The following ADAMTSL3 variants were observed in gnomAD, a reference collection of about 807,000 sequenced individuals.
ADAMTSL3 encodes ADAMTS-like protein 3.
Under a neutral mutation model 201.7 loss-of-function variants are expected in ADAMTSL3, and 128 were observed. The ratio of observed to expected loss-of-function variants is 0.63; its 90% CI spans 0.55 to 0.73. ADAMTSL3 has a LOEUF of 0.73. ADAMTSL3 is among the 30% of genes least tolerant of loss of function. ADAMTSL3 has a pLI of 0.00. For synonymous variants in ADAMTSL3, 738 were observed against 748.4 expected (o/e 0.99, Z 0.23); for missense variants, 1,990 against 2,119.6 (o/e 0.94, Z 1.20).
Position 83,982,445 on chromosome 15 carries a change from C to A in ADAMTSL3, c.2817C>A (p.Phe939Leu), listed in dbSNP as rs1268647122. The change falls in exon 21 of 30, where the codon TTC (phenylalanine) becomes TTA (leucine). Residue 939 changes from phenylalanine (F) to leucine (L), a missense_variant. Transcript: ENST00000286744. The stretch of plus-strand genomic sequence containing the variant: ...TTATTAAGTGCCCCGTGCGACGATT[C>A]CAGAAATCTCTGATCCAGTGGGAGA... ...SVIIKCPVRR[F>L]QKSLIQWEKD... The A allele has an allele frequency of 6.2e-7, 1 of 1,614,138 alleles. No homozygotes were observed. Among genetic ancestry groups the A allele is most frequent in the Non-Finnish European group, 8.5e-7 (1 of 1,180,022 alleles).
rs139637825 is a variant in ADAMTSL3 at position 83,664,563 on chromosome 15, C to A, written c.69+8733C>A. Among the ~76,000 whole-genome samples, 5 of 152,350 alleles carry A rather than the reference C, an allele frequency of 3.3e-5. No individual in the cohort carries two copies. The East Asian group carries it at 9.6e-4, about 29-fold the overall frequency. On this transcript the variant is annotated intron_variant, in intron 2 of 29. Coordinates refer to ENST00000286744, the MANE Select transcript of ADAMTSL3 (RefSeq NM_207517.3). ...TGTACCTGCCCTGTACCCATTCAGC[C>A]ACTAACTCCCATTTTTCCCATCTCA...
At chr15:83,741,669 A>G (rs2062457578) in intron 3 of ADAMTSL3, among the ~76,000 whole-genome samples, 1 of 152,196 alleles carries the variant, frequency 6.6e-6, no homozygotes, top group Admixed American at 6.5e-5. Flanking sequence ...AACCATTGGA[A>G]CTATAAGGTG....
intron 5 of ADAMTSL3, among the ~76,000 whole-genome samples, chr15:83,817,299 A>G (rs1374240904): frequency 1.3e-5 from 2 of 152,256 alleles, no homozygotes; most frequent in African/African-American, 4.8e-5. Flanking sequence ...TAATTTATCA[A>G]TATCTATTTG....
intron 15 of ADAMTSL3, among the ~76,000 whole-genome samples, chr15:83,911,058 A>G (rs2141954507): frequency 6.6e-6 from 1 of 152,276 alleles, no homozygotes; most frequent in Non-Finnish European, 1.5e-5. Flanking sequence ...TTAATTTTTT[A>G]TTACCAAGGA....
At chr15:83,841,749 GAAAA>G (rs1174413913) in intron 7 of ADAMTSL3, among the ~76,000 whole-genome samples, 2 of 151,946 alleles carry the variant, frequency 1.3e-5, no homozygotes, top group Admixed American at 1.3e-4. Context: ...CAGGGACTCT[GAAAA>G]CAGAGTCCCT....
chr15:83,880,329 G>A (rs2065247119), intron 9 of ADAMTSL3, among the ~76,000 whole-genome samples: 1 of 151,894 alleles, frequency 6.6e-6, no homozygotes, highest in Non-Finnish European at 1.5e-5. Context: ...CTTTGCTCAG[G>A]TGTGTCTGAT....
intron 2 of ADAMTSL3, among the ~76,000 whole-genome samples, chr15:83,683,334 C>T (rs1437332669): frequency 6.6e-6 from 1 of 152,168 alleles, no homozygotes; most frequent in African/African-American, 2.4e-5. Flanking sequence ...TCCTCTCAGT[C>T]CTTCCTCCCT....
intron 2 of ADAMTSL3, among the ~76,000 whole-genome samples, chr15:83,658,096 C>T (rs528981370): frequency 1.3e-5 from 2 of 152,300 alleles, no homozygotes; most frequent in Non-Finnish European, 2.9e-5. Flanking sequence ...TAATTAATAA[C>T]AAATAGAGTT....
intron 2 of ADAMTSL3, among the ~76,000 whole-genome samples, chr15:83,656,250 C>A (rs1040679838): frequency 6.6e-6 from 1 of 152,226 alleles, no homozygotes; most frequent in Non-Finnish European, 1.5e-5. Context: ...ACATATCCCA[C>A]TGTTTTATCC....
intron 2 of ADAMTSL3, among the ~76,000 whole-genome samples, chr15:83,684,556 C>T (rs181719500): frequency 8.6e-5 from 13 of 151,860 alleles, no homozygotes; most frequent in Non-Finnish European, 1.8e-4. Context: ...GCCTGGGTAA[C>T]ATAGCAAGAC....
chr15:83,986,532 T>G (rs1460423374), intron 21 of ADAMTSL3, among the ~76,000 whole-genome samples: 1 of 152,226 alleles, frequency 6.6e-6, no homozygotes, highest in African/African-American at 2.4e-5. Context: ...TTTTAATTTT[T>G]AAGATAATAA....
chr15:83,974,682 G>A (rs2067252124), intron 20 of ADAMTSL3, among the ~76,000 whole-genome samples: 1 of 152,206 alleles, frequency 6.6e-6, no homozygotes, highest in African/African-American at 2.4e-5. Flanking sequence ...CATTCTCAAA[G>A]TGCTGTTAGA....
intron 3 of ADAMTSL3, among the ~76,000 whole-genome samples, chr15:83,723,624 A>G (rs1487555210): frequency 6.6e-6 from 1 of 152,172 alleles, no homozygotes; most frequent in Non-Finnish European, 1.5e-5. Flanking sequence ...TTATGCTTAT[A>G]CTTTTGAAAT....
At chr15:83,670,156 G>T (rs986166457) in intron 2 of ADAMTSL3, among the ~76,000 whole-genome samples, 1 of 150,510 alleles carries the variant, frequency 6.6e-6, no homozygotes, top group Non-Finnish European at 1.5e-5. Flanking sequence ...TACTTGGGAG[G>T]CTGAGGCAGG....
At chr15:83,704,969 T>A (rs1596059366) in intron 3 of ADAMTSL3, among the ~76,000 whole-genome samples, 1 of 69,558 alleles carries the variant, frequency 1.4e-5, no homozygotes, top group African/African-American at 4.1e-5. Context: ...TCTGTGAGTG[T>A]GTGTGTGTGT....
At chr15:83,832,602 C>T (rs1386937449) in intron 6 of ADAMTSL3, among the ~76,000 whole-genome samples, 2 of 152,174 alleles carry the variant, frequency 1.3e-5, no homozygotes, top group Non-Finnish European at 2.9e-5. Flanking sequence ...CTTTCTTGTG[C>T]CACGTGGCCA....
At chr15:83,688,389 C>G (rs1451402281) in intron 2 of ADAMTSL3, among the ~76,000 whole-genome samples, 1 of 152,076 alleles carries the variant, frequency 6.6e-6, no homozygotes, top group African/African-American at 2.4e-5. Context: ...TAAAAACTGT[C>G]TTTTAGGAAG....
intron 16 of ADAMTSL3, among the ~76,000 whole-genome samples, chr15:83,920,882 T>C (rs1277905271): frequency 6.6e-6 from 1 of 152,198 alleles, no homozygotes; most frequent in South Asian, 2.1e-4. Context: ...TGTCCTGTTT[T>C]TGGGATTGAG....
intron 2 of ADAMTSL3, among the ~76,000 whole-genome samples, chr15:83,674,766 C>CATACATATATATATATATATAT (rs760271207): frequency 1.5e-5 from 1 of 68,950 alleles, no homozygotes; most frequent in South Asian, 6.5e-4. Flanking sequence ...CACATATATA[C>CATACATATATATATATATATAT]ATATATATAT....
Sources: allele counts gnomAD v4.1 joint callset (sites outside exome capture counted in the v4.1 genomes callset), GRCh38; gene constraint gnomAD v4.1.1; transcripts MANE v1.5; gene names NCBI Gene and HGNC (gene_info 2026-07-23, HGNC 2026-07-21).